The following GTPBP2 variants were observed in gnomAD, a reference collection of about 807,000 sequenced individuals.
GTPBP2 encodes the protein GTP binding protein 2.
A neutral mutation model predicts 63.0 loss-of-function variants in GTPBP2; 32 were observed. That is an observed-to-expected ratio of 0.51 (90% confidence interval 0.38 to 0.68). The LOEUF is 0.68. Ranked by LOEUF, GTPBP2 falls within the 30% of genes least tolerant of loss-of-function variation. GTPBP2 has a pLI of 0.00. For missense variants in GTPBP2, 492 were observed against 796.9 expected (o/e 0.62, Z 4.61); for synonymous variants, 310 against 322.6 (o/e 0.96, Z 0.42).
chr6:43,624,264 G>A lies in GTPBP2; in HGVS notation c.1101-196C>T, dbSNP rs924235483. ...ACAAAAAGCCCATCCGAGCCCAAGG[G>A]AAACAGCAAATGCCTGGTATAGCAC... On this transcript the variant is annotated intron_variant, in intron 7 of 11. Coordinates refer to ENST00000307126, the MANE Select transcript of GTPBP2 (RefSeq NM_019096.5). This position sits in a 1 kb window ranked among gnomAD's most constrained non-coding sequence, Gnocchi z 5.1. Among the ~76,000 whole-genome samples, 3 of 152,190 alleles carry A rather than the reference G, an allele frequency of 2.0e-5. No homozygotes were observed. The highest frequency in any genetic ancestry group is 7.2e-5 in the African/African-American group (3 of 41,448).
rs1199204370 is a variant in GTPBP2, at chr6:43,622,281, C to A, written c.1468-114G>T. The A allele has an allele frequency of 1.2e-6, 1 of 862,788 alleles. No individual in the cohort carries two copies. Among genetic ancestry groups the A allele is most frequent in the Non-Finnish European group, 1.8e-6 (1 of 566,176 alleles). The allele number at this position is 862,788 out of a possible 1,614,324, so 53.4% of individuals were successfully genotyped here. A position where few individuals can be genotyped will look rare whatever the true frequency, so the allele number is the denominator to read the frequency against. On this transcript the variant is annotated intron_variant, in intron 10 of 11. Coordinates refer to ENST00000307126, the MANE Select transcript of GTPBP2 (RefSeq NM_019096.5). The surrounding 1 kb of genome is among the most constrained non-coding windows in gnomAD (Gnocchi z 5.4). The stretch of plus-strand genomic sequence containing the variant: ...GAATTTCCTCTTCCTCTACACAACT[C>A]TAAACACAAAGACCTCAAAAGACAA...
intron 9 of GTPBP2, 146 bp downstream of exon 9, chr6:43,623,591 C>A: frequency 1.5e-6 from 1 of 677,710 alleles, no homozygotes. Context: ...TTCTCCAGCT[C>A]TTCTGATAGT....
Position 43,627,409 on chromosome 6 carries a change from C to T in GTPBP2, c.187-461G>A, listed in dbSNP as rs1042683774. 10 of 890,178 alleles carry T rather than the reference C, an allele frequency of 1.1e-5. No homozygotes were observed. In the African/African-American group the frequency reaches 1.8e-4, roughly 16 times the overall value. 55.1% of individuals were successfully genotyped at this position (890,178 alleles called of 1,614,324 possible). On this transcript the variant is annotated intron_variant, in intron 1 of 11. Transcript: ENST00000307126. Reference sequence around the variant, plus strand: ...TGATGTCATCTAGAGTAAGAGGCTGCAAGAGGTTCTGGATCAGAGCCAAAG... The same window carrying T: ...TGATGTCATCTAGAGTAAGAGGCTGTAAGAGGTTCTGGATCAGAGCCAAAG...
In GTPBP2 at chr6:43,621,490, G is replaced by A. The variant is rs1164455597; in HGVS notation, c.*124C>T. ...TCCAGAAAGTTGGCAGGGAGCAAGT[G>A]GCAGACAGCACCCCTCTCTCCCTAG... On this transcript the variant is annotated 3_prime_UTR_variant, in exon 12 of 12. Transcript: ENST00000307126. The A allele has an allele frequency of 6.4e-7, 1 of 1,560,758 alleles. No individual in the cohort carries two copies. Among genetic ancestry groups the A allele is most frequent in the East Asian group, 2.4e-5 (1 of 41,616 alleles).
chr6:43,628,923 T>C (rs1769674672), intron 1 of GTPBP2, 54 bp downstream of exon 1: 1 of 1,561,148 alleles, frequency 6.4e-7, no homozygotes, highest in African/African-American at 1.4e-5. Context: ...CTCCCTAGAG[T>C]CCTGGGCCGG....
intron 1 of GTPBP2, chr6:43,628,741 GA>G: frequency 1.3e-6 from 1 of 762,768 alleles, no homozygotes; most frequent in Non-Finnish European, 2.4e-6. Flanking sequence ...ATCTAGATCA[GA>G]AGGGGGAGTC....
chr6:43,628,635 G>T (rs1329350543), intron 1 of GTPBP2: 1 of 673,176 alleles, frequency 1.5e-6, no homozygotes, highest in Non-Finnish European at 1.8e-6. Flanking sequence ...TCTGCCTCTC[G>T]TCCCAGGATG....
chr6:43,630,089 C>G (rs989389243), upstream of GTPBP2, among the ~76,000 whole-genome samples: 5 of 152,210 alleles, frequency 3.3e-5, no homozygotes, highest in Admixed American at 2.0e-4. Context: ...GGGCCTGGCC[C>G]CTACTTCGGG....
At position 43,622,354 on chromosome 6, in the gene GTPBP2, C is replaced by T. The variant is rs1486274920; in HGVS notation, c.1468-187G>A. 5.9e-5 allele frequency among the ~76,000 whole-genome samples: 9 copies of T among 152,196 alleles called. No individual in the cohort carries two copies. The highest frequency in any genetic ancestry group is 1.0e-4 in the Non-Finnish European group (7 of 68,032). On this transcript the variant is annotated intron_variant, in intron 10 of 11. Coordinates refer to ENST00000307126, the MANE Select transcript of GTPBP2 (RefSeq NM_019096.5). The surrounding 1 kb of genome is among the most constrained non-coding windows in gnomAD (Gnocchi z 5.4). ...TGAGTCTTTACCCACCTCCTACGTC[C>T]TCTAGCCCATCTAACGCTTCACATT...
In GTPBP2 at chr6:43,629,142, C is replaced by T. The variant is rs1460347555; in HGVS notation, c.21G>A (p.Glu7=). Residue 7 remains glutamate, a synonymous_variant, in exon 1 of 12, where the codon GAG becomes GAA. Transcript: ENST00000307126. MDSRVS[E]LFGGCCRPGG... The stretch of plus-strand genomic sequence containing the variant: ...CGGGCCGGCAGCAGCCGCCGAACAG[C>T]TCCGATACCCGCGAGTCCATCCGCC... 41 of 1,488,932 alleles carry T rather than the reference C, an allele frequency of 2.8e-5. No individual in the cohort carries two copies. Among genetic ancestry groups the T allele is most frequent in the Non-Finnish European group, 3.2e-5 (36 of 1,128,198 alleles). 92.2% of individuals were successfully genotyped at this position (1,488,932 alleles called of 1,614,324 possible). A position where few individuals can be genotyped will look rare whatever the true frequency, so the allele number is the denominator to read the frequency against.
chr6:43,627,452 T>C (rs1769460296), intron 1 of GTPBP2: 1 of 404,208 alleles, frequency 2.5e-6, no homozygotes, highest in Non-Finnish European at 3.4e-6. Context: ...TCAGCAATGG[T>C]CACTACAAGC....
chr6:43,626,225 C>T lies in GTPBP2; in HGVS notation c.398+1G>A, dbSNP rs1306811567. The T allele has an allele frequency of 6.2e-7, 1 of 1,613,466 alleles. No individual in the cohort carries two copies. The highest frequency in any genetic ancestry group is 1.3e-5 in the African/African-American group (1 of 74,922). On this transcript the variant is annotated splice_donor_variant, in intron 3 of 11. Coordinates refer to ENST00000307126, the MANE Select transcript of GTPBP2 (RefSeq NM_019096.5). LOFTEE classifies it high-confidence loss of function. The surrounding 1 kb of genome is among the most constrained non-coding windows in gnomAD (Gnocchi z 4.0). ...GAACTGGTGGGGAAGGGGAAGCATA[C>T]TTCTCTGCCATCCGGTGCAGGGTCT...
At position 43,626,036 on chromosome 6, in the gene GTPBP2, A is replaced by G. The variant is rs1026381169; in HGVS notation, c.399-172T>C. Among the ~76,000 whole-genome samples, 3 of 152,138 alleles carry G rather than the reference A, an allele frequency of 2.0e-5. No individual in the cohort carries two copies. Among genetic ancestry groups the G allele is most frequent in the Non-Finnish European group, 2.9e-5 (2 of 68,020 alleles). On this transcript the variant is annotated intron_variant, in intron 3 of 11. Coordinates refer to ENST00000307126, the MANE Select transcript of GTPBP2 (RefSeq NM_019096.5). The surrounding 1 kb of genome is among the most constrained non-coding windows in gnomAD (Gnocchi z 4.0). ...ACAGTTCCCTTTAAAACAAATATAC[A>G]TATCTTAATTCAAGGAGCAAAACAG...
At chr6:43,627,370 C>G (rs1184216703) in intron 1 of GTPBP2, 1 of 994,254 alleles carries the variant, frequency 1.0e-6, no homozygotes, top group African/African-American at 1.7e-5. Context: ...TCCTCCCTGC[C>G]TGCCCCTTTC....
chr6:43,625,882 C>T lies in GTPBP2; in HGVS notation c.399-18G>A. ...CCCCAACCCTGTCACAGCAAGGCCA[C>T]AGCTGCCATATCTCACCTGTCCTTC... On this transcript the variant is annotated intron_variant, in intron 3 of 11. Coordinates refer to ENST00000307126, the MANE Select transcript of GTPBP2 (RefSeq NM_019096.5). This position sits in a 1 kb window ranked among gnomAD's most constrained non-coding sequence, Gnocchi z 5.1. 6.3e-7 allele frequency: 1 copy of T among 1,578,864 alleles called. No individual in the cohort carries two copies. The highest frequency in any genetic ancestry group is 1.1e-5 in the South Asian group (1 of 90,396).
At chr6:43,631,055 G>A (rs1240892967), upstream of GTPBP2, among the ~76,000 whole-genome samples, 1 of 152,138 alleles carries the variant, frequency 6.6e-6, no homozygotes, top group Non-Finnish European at 1.5e-5. Context: ...AGAGTCCATG[G>A]CTTCCTCCCA....
rs1170654497 is a variant in GTPBP2, at chr6:43,621,032, A to T, written c.*582T>A. On this transcript the variant is annotated 3_prime_UTR_variant, in exon 12 of 12. Coordinates refer to ENST00000307126, the MANE Select transcript of GTPBP2 (RefSeq NM_019096.5). ...CCTTGAGTGAAGGAAAGGGAGATAA[A>T]GCTGAGGAAGAGGCCTCAGGCCTCA... 1 of 209,098 alleles carries T rather than the reference A, an allele frequency of 4.8e-6. No homozygotes were observed. Among genetic ancestry groups the T allele is most frequent in the Non-Finnish European group, 9.9e-6 (1 of 100,882 alleles). 13.0% of individuals were successfully genotyped at this position (209,098 alleles called of 1,614,324 possible).
In GTPBP2 at chr6:43,622,942, T is replaced by G. The variant is rs1768908662; in HGVS notation, c.1296-138A>C. 1.6e-6 allele frequency: 1 copy of G among 644,240 alleles called. No homozygotes were observed. Among genetic ancestry groups the G allele is most frequent in the African/African-American group, 1.8e-5 (1 of 54,784 alleles). The allele number at this position is 644,240 out of a possible 1,614,324, so 39.9% of individuals were successfully genotyped here. On this transcript the variant is annotated intron_variant, in intron 9 of 11. Coordinates refer to ENST00000307126, the MANE Select transcript of GTPBP2 (RefSeq NM_019096.5). This position sits in a 1 kb window ranked among gnomAD's most constrained non-coding sequence, Gnocchi z 5.4. ...GAAGAACCCTAAATTCTGACTTGGATGTAACAGGGCTCACTGCCAGAGTTC... is the reference window on the plus strand; with the variant it reads ...GAAGAACCCTAAATTCTGACTTGGAGGTAACAGGGCTCACTGCCAGAGTTC...
chr6:43,624,800 G>T lies in GTPBP2; in HGVS notation c.881-71C>A. ...CAGGAGGGAGGAGAGGGAAGAAGAGGAGCATTGGTCTGTCTCCAAGATTTG... is the reference window on the plus strand; with the variant it reads ...CAGGAGGGAGGAGAGGGAAGAAGAGTAGCATTGGTCTGTCTCCAAGATTTG... On this transcript the variant is annotated intron_variant, in intron 6 of 11. Transcript: ENST00000307126. The surrounding 1 kb of genome is among the most constrained non-coding windows in gnomAD (Gnocchi z 5.1). 1 of 1,582,656 alleles carries T rather than the reference G, an allele frequency of 6.3e-7. No homozygotes were observed. The highest frequency in any genetic ancestry group is 1.9e-4 in the Middle Eastern group (1 of 5,262).
Sources: allele counts gnomAD v4.1 joint callset (sites outside exome capture counted in the v4.1 genomes callset), GRCh38; gene constraint gnomAD v4.1.1; non-coding constraint Gnocchi (gnomAD v3.1); transcripts MANE v1.5; gene names NCBI Gene and HGNC (gene_info 2026-07-23, HGNC 2026-07-21).